The following KIAA0825 variants were observed in gnomAD, a reference collection of about 807,000 sequenced individuals.
KIAA0825 encodes the protein uncharacterized protein KIAA0825.
Under a neutral mutation model 147.6 loss-of-function variants are expected in KIAA0825, and 119 were observed. That is an observed-to-expected ratio of 0.81 (90% confidence interval 0.69 to 0.94). The LOEUF is 0.94. KIAA0825 is among the 40% of genes least tolerant of loss of function. KIAA0825 has a pLI of 0.00. For missense variants in KIAA0825, 1,381 were observed against 1,472.7 expected, an observed-to-expected ratio of 0.94 and a Z score of 1.02; for synonymous variants, 470 against 518.1, an observed-to-expected ratio of 0.91 and a Z score of 1.26.
At chr5:94,227,192 A>T (rs1475142332) in intron 20 of KIAA0825, among the ~76,000 whole-genome samples, 1 of 152,252 alleles carries the variant, frequency 6.6e-6, no homozygotes, top group East Asian at 1.9e-4. Flanking sequence ...TGTGGCACAT[A>T]TACACCATGG....
At chr5:94,277,487 G>A (rs9686803) in intron 20 of KIAA0825, among the ~76,000 whole-genome samples, 138,485 of 152,178 alleles carry the variant, frequency 0.91, 63,079 homozygotes, top group Middle Eastern at 0.93. Flanking sequence ...ACATTTATGC[G>A]GCCAACAAAC....
At chr5:94,323,173 C>G (rs969510105) in intron 20 of KIAA0825, among the ~76,000 whole-genome samples, 2 of 151,874 alleles carry the variant, frequency 1.3e-5, no homozygotes, top group Non-Finnish European at 2.9e-5. Flanking sequence ...ACAAAATACT[C>G]TTTAATGTAT....
intron 20 of KIAA0825, among the ~76,000 whole-genome samples, chr5:94,233,789 A>C (rs1774872749): frequency 6.6e-6 from 1 of 152,218 alleles, no homozygotes; most frequent in African/African-American, 2.4e-5. Context: ...TGGAGAAATA[A>C]AATTCCTGAG....
intron 20 of KIAA0825, among the ~76,000 whole-genome samples, chr5:94,201,912 G>A (rs1562310312): frequency 6.6e-6 from 1 of 152,160 alleles, no homozygotes; most frequent in Non-Finnish European, 1.5e-5. Context: ...AAACATCAGG[G>A]GTAAAGGGTC....
At chr5:94,301,975 A>T (rs778384521) in intron 20 of KIAA0825, among the ~76,000 whole-genome samples, 11 of 152,134 alleles carry the variant, frequency 7.2e-5, no homozygotes, top group Non-Finnish European at 1.6e-4. Flanking sequence ...GGAAGCCATA[A>T]CTCTGAAAAC....
intron 20 of KIAA0825, among the ~76,000 whole-genome samples, chr5:94,279,916 G>A (rs1322938958): frequency 2.0e-5 from 3 of 152,054 alleles, no homozygotes; most frequent in Non-Finnish European, 2.9e-5. Context: ...AAAGTATGAG[G>A]AGGACTAACT....
intron 20 of KIAA0825, among the ~76,000 whole-genome samples, chr5:94,293,843 T>A (rs1389493906): frequency 6.6e-6 from 1 of 152,242 alleles, no homozygotes; most frequent in Non-Finnish European, 1.5e-5. Context: ...TCTTGTTGCA[T>A]TGATCCTTTT....
intron 5 of KIAA0825, among the ~76,000 whole-genome samples, chr5:94,518,678 G>C (rs1236811207): frequency 6.6e-6 from 1 of 152,106 alleles, no homozygotes; most frequent in Non-Finnish European, 1.5e-5. Context: ...CATATGGACA[G>C]TGCTCACTTA....
chr5:94,265,701 T>A (rs1308907399), intron 20 of KIAA0825, among the ~76,000 whole-genome samples: 1 of 152,118 alleles, frequency 6.6e-6, no homozygotes, highest in Non-Finnish European at 1.5e-5. Flanking sequence ...CTCAGGAGGC[T>A]GAGGCAGGAG....
Position 94,391,649 on chromosome 5 carries a change from A to G in KIAA0825, c.3342T>C (p.Asp1114=). The G allele has an allele frequency of 6.4e-7, 1 of 1,550,936 alleles. No individual in the cohort carries two copies. The highest frequency in any genetic ancestry group is 8.7e-7 in the Non-Finnish European group (1 of 1,146,572). Residue 1114 remains aspartate, a synonymous_variant, in exon 18 of 21, where the codon GAT becomes GAC. Coordinates refer to ENST00000682413, the MANE Select transcript of KIAA0825 (RefSeq NM_001145678.3). Reference sequence around the variant, plus strand: ...TCTGCTCAGTCAGTTCAAGAGCAACATCTCCTTCTTGTAAGGCCGTGCTTT... The same window carrying G: ...TCTGCTCAGTCAGTTCAAGAGCAACGTCTCCTTCTTGTAAGGCCGTGCTTT... The part of the protein sequence containing the change: ...IEKSTALQEG[D]VALELTEQKI...
At chr5:94,162,358 G>A (rs747945720) in intron 20 of KIAA0825, among the ~76,000 whole-genome samples, 2 of 151,836 alleles carry the variant, frequency 1.3e-5, no homozygotes, top group African/African-American at 4.8e-5. Context: ...GGAGTGCAGT[G>A]GCATGATCAT....
intron 20 of KIAA0825, among the ~76,000 whole-genome samples, chr5:94,266,862 C>G (rs1320777986): frequency 1.3e-5 from 2 of 151,782 alleles, no homozygotes; most frequent in Non-Finnish European, 2.9e-5. Flanking sequence ...TCAAAATAAC[C>G]TACATAAACA....
chr5:94,353,879 A>G (rs751502510), intron 20 of KIAA0825, among the ~76,000 whole-genome samples: 6 of 152,198 alleles, frequency 3.9e-5, no homozygotes, highest in Non-Finnish European at 7.3e-5. Flanking sequence ...GCAAAATTCC[A>G]AATATATATG....
In KIAA0825 at chr5:94,298,360, G is replaced by C. The variant is rs186862367; in HGVS notation, c.3710+86008C>G. ...CTTAGACAATTTACTGATGTCAGTAGTTTCTTCTTTCTTCCATAGTTTAGC... is the reference window on the plus strand; with the variant it reads ...CTTAGACAATTTACTGATGTCAGTACTTTCTTCTTTCTTCCATAGTTTAGC... On this transcript the variant is annotated intron_variant, in intron 20 of 20. Coordinates refer to ENST00000682413, the MANE Select transcript of KIAA0825 (RefSeq NM_001145678.3). 1.4e-3 allele frequency among the ~76,000 whole-genome samples: 213 copies of C among 152,278 alleles called. 1 individual carries two copies. Among genetic ancestry groups the C allele is most frequent in the African/African-American group, 4.8e-3 (199 of 41,570 alleles).
chr5:94,551,498 C>G (rs1458396115), intron 2 of KIAA0825, among the ~76,000 whole-genome samples: 1 of 151,950 alleles, frequency 6.6e-6, no homozygotes, highest in African/African-American at 2.4e-5. Flanking sequence ...AATGCAATCC[C>G]CAATGGACTA....
chr5:94,272,245 G>C (rs1204269610), intron 20 of KIAA0825, among the ~76,000 whole-genome samples: 1 of 151,764 alleles, frequency 6.6e-6, no homozygotes, highest in Non-Finnish European at 1.5e-5. Context: ...CAAAAATATA[G>C]TTAGATAGAA....
At chr5:94,530,891 A>G (rs1012507309) in intron 3 of KIAA0825, among the ~76,000 whole-genome samples, 1 of 152,168 alleles carries the variant, frequency 6.6e-6, no homozygotes, top group Admixed American at 6.5e-5. Context: ...TAGTAGTCCA[A>G]CTACTATTGG....
intron 20 of KIAA0825, among the ~76,000 whole-genome samples, chr5:94,376,171 C>T (rs1408507083): frequency 1.3e-5 from 2 of 152,156 alleles, no homozygotes; most frequent in Non-Finnish European, 2.9e-5. Flanking sequence ...ATGGTAAGCA[C>T]TCTGTATGTT....
At chr5:94,229,413 C>T (rs562035653) in intron 20 of KIAA0825, among the ~76,000 whole-genome samples, 4 of 151,528 alleles carry the variant, frequency 2.6e-5, no homozygotes, top group African/African-American at 9.7e-5. Context: ...TTATAATGTT[C>T]GTGATGATGT....
Sources: gnomAD v4.1 joint callset for allele counts (sites outside exome capture counted in the v4.1 genomes callset) on GRCh38, gnomAD v4.1.1 for gene constraint, MANE v1.5 for transcripts, NCBI Gene and HGNC (gene_info 2026-07-23, HGNC 2026-07-21) for gene names.